EML1: variants seen among roughly 807,000 people sequenced by gnomAD.
The protein encoded by EML1 is EMAP like 1, also known as echinoderm microtubule-associated protein-like 1.
Under a neutral mutation model 110.4 loss-of-function variants are expected in EML1, and 27 were observed. That is an observed-to-expected ratio of 0.24 (90% confidence interval 0.18 to 0.34). The LOEUF (loss-of-function observed/expected upper bound fraction) is 0.34, where lower values mean the gene tolerates loss of function less well. Ranked by LOEUF, EML1 falls within the 10% of genes least tolerant of loss-of-function variation. EML1 has a pLI of 1.00. For synonymous variants in EML1, 344 were observed against 385.8 expected (o/e 0.89, Z 1.27); for missense variants, 741 against 1,030.9 (o/e 0.72, Z 3.85).
At position 99,827,407 on chromosome 14, in the gene EML1, C is replaced by T. The variant is rs763226037; in HGVS notation, c.68-23446C>T. On this transcript the variant is annotated intron_variant, in intron 1 of 21. Coordinates refer to ENST00000262233, the MANE Select transcript of EML1 (RefSeq NM_004434.3). This position sits in a 1 kb window ranked among gnomAD's most constrained non-coding sequence, Gnocchi z 4.4. The stretch of plus-strand genomic sequence containing the variant: ...GCAGAGTAGCGGCACCTAGTAGCCA[C>T]AAGTAAGGTGCAAATACCCTTGCAG... 3.3e-5 allele frequency among the ~76,000 whole-genome samples: 5 copies of T among 152,162 alleles called. No individual in the cohort carries two copies. Among genetic ancestry groups the T allele is most frequent in the Admixed American group, 6.5e-5 (1 of 15,280 alleles).
intron 1 of EML1, among the ~76,000 whole-genome samples, chr14:99,801,673 C>T (rs2057884677): frequency 6.6e-6 from 1 of 152,124 alleles, no homozygotes; most frequent in South Asian, 2.1e-4. Context: ...CCCACTGCCC[C>T]ATATCTCAGT....
intron 1 of EML1, among the ~76,000 whole-genome samples, chr14:99,837,975 A>G (rs2058568714): frequency 6.6e-6 from 1 of 151,898 alleles, no homozygotes; most frequent in South Asian, 2.1e-4. Context: ...AATTTTTTAA[A>G]TCTTTTGTAG....
chr14:99,746,357 C>G (rs1033922546), intron 1 of EML1, among the ~76,000 whole-genome samples: 4 of 152,136 alleles, frequency 2.6e-5, no homozygotes, highest in Non-Finnish European at 4.4e-5. Context: ...CCAGCAATCC[C>G]CTCTGAACTT....
chr14:99,898,254 G>A lies in EML1; in HGVS notation c.849G>A (p.Arg283=). The part of the protein sequence containing the change: ...DVKCLAVHPD[R]ITIATGQVAG... ...TTAGCCTAGCAGTTCATCCTGATCG[G>A]ATCACGATAGCAACAGGACAAGTTG... The change falls in exon 8 of 22, where the codon CGG becomes CGA. Residue 283 remains arginine (R), a synonymous_variant. Coordinates refer to ENST00000262233, the MANE Select transcript of EML1 (RefSeq NM_004434.3). The A allele has an allele frequency of 6.2e-7, 1 of 1,610,950 alleles. No individual in the cohort carries two copies. Among genetic ancestry groups the A allele is most frequent in the Non-Finnish European group, 8.5e-7 (1 of 1,178,060 alleles).
chr14:99,756,796 C>T (rs1272782080), intron 1 of EML1, among the ~76,000 whole-genome samples: 2 of 152,120 alleles, frequency 1.3e-5, no homozygotes, highest in Admixed American at 6.5e-5. Context: ...GTGTCAGGCA[C>T]CCTCAGACAC....
chr14:99,876,187 AGGAGAGTG>A (rs2059288058), intron 3 of EML1, among the ~76,000 whole-genome samples: 1 of 152,078 alleles, frequency 6.6e-6, no homozygotes, highest in African/African-American at 2.4e-5. Context: ...GCTACCAAGA[AGGAGAGTG>A]GCCAGCCCCA....
intron 1 of EML1, among the ~76,000 whole-genome samples, chr14:99,830,223 T>C (rs745506498): frequency 2.6e-5 from 4 of 152,230 alleles, no homozygotes; most frequent in Non-Finnish European, 4.4e-5. Context: ...ATGGCTTTAA[T>C]TTGCGTTTCT....
chr14:99,916,902 C>T (rs185435769), intron 15 of EML1, among the ~76,000 whole-genome samples: 1 of 152,348 alleles, frequency 6.6e-6, no homozygotes, highest in South Asian at 2.1e-4. Flanking sequence ...CCCTCCCTCC[C>T]CTGTGTATCT....
chr14:99,749,336 G>T (rs917316336), intron 1 of EML1, among the ~76,000 whole-genome samples: 1 of 151,888 alleles, frequency 6.6e-6, no homozygotes, highest in African/African-American at 2.4e-5. Context: ...CTGTCTTCTC[G>T]CCCCCCCAGC....
intron 1 of EML1, among the ~76,000 whole-genome samples, chr14:99,761,464 C>T (rs565352401): frequency 2.1e-4 from 32 of 152,140 alleles, no homozygotes; most frequent in African/African-American, 1.9e-4. Flanking sequence ...TACTGGGAGG[C>T]GCCTGGCTGC....
In EML1 at chr14:99,909,335, T is replaced by A. The variant is rs942078851; in HGVS notation, c.1105-10T>A. 1 of 1,614,090 alleles carries A rather than the reference T, an allele frequency of 6.2e-7. No homozygotes were observed. Among genetic ancestry groups the A allele is most frequent in the Non-Finnish European group, 8.5e-7 (1 of 1,180,044 alleles). ...GATGTGAGGCATCCGAGTCCCTGTT[T>A]TTCCTATAGTGCTCTAATGAAGCTG... is the stretch of plus-strand genomic sequence containing the variant. On this transcript the variant is annotated splice_polypyrimidine_tract_variant and intron_variant, in intron 10 of 21. Transcript: ENST00000262233.
intron 15 of EML1, 91 bp from the exon 16 acceptor site, chr14:99,917,691 G>C: frequency 8.2e-7 from 1 of 1,226,134 alleles, no homozygotes; most frequent in Non-Finnish European, 1.2e-6. Flanking sequence ...AGAAGTGTGA[G>C]CGTTTGTGTG....
At chr14:99,826,004 A>G (rs2058345295) in intron 1 of EML1, among the ~76,000 whole-genome samples, 1 of 152,122 alleles carries the variant, frequency 6.6e-6, no homozygotes, top group Non-Finnish European at 1.5e-5. Flanking sequence ...GGGCCGTTGT[A>G]CAACAGTAGG....
At chr14:99,845,634 A>AT (rs934085517) in intron 1 of EML1, among the ~76,000 whole-genome samples, 1 of 152,106 alleles carries the variant, frequency 6.6e-6, no homozygotes, top group South Asian at 2.1e-4. Context: ...CTTACACAAT[A>AT]TTTTTTTTGT....
At chr14:99,871,287 C>G (rs571455322) in intron 3 of EML1, among the ~76,000 whole-genome samples, 1 of 152,174 alleles carries the variant, frequency 6.6e-6, no homozygotes, top group South Asian at 2.1e-4. Context: ...AGTGATTCCT[C>G]TAATAGATCT....
At chr14:99,764,297 G>A (rs1595252732) in intron 1 of EML1, among the ~76,000 whole-genome samples, 1 of 152,240 alleles carries the variant, frequency 6.6e-6, no homozygotes, top group East Asian at 1.9e-4. Flanking sequence ...CAGCAGCCCT[G>A]CAATTTTACA....
intron 1 of EML1, among the ~76,000 whole-genome samples, chr14:99,765,040 T>A (rs2140192831): frequency 6.6e-6 from 1 of 152,078 alleles, no homozygotes; most frequent in South Asian, 2.1e-4. Context: ...TGGGCTCAAA[T>A]GATCCTCCCA....
intron 2 of EML1, among the ~76,000 whole-genome samples, chr14:99,855,456 G>C (rs566050455): frequency 6.6e-6 from 1 of 152,260 alleles, no homozygotes; most frequent in East Asian, 1.9e-4. Flanking sequence ...AAGAAGACAG[G>C]GAGTAGTTTG....
chr14:99,916,505 C>G (rs1336803655), intron 15 of EML1, among the ~76,000 whole-genome samples: 1 of 152,188 alleles, frequency 6.6e-6, no homozygotes, highest in East Asian at 1.9e-4. Context: ...TCCTTAATCT[C>G]TTCTCTCTTC....
Sources: gnomAD v4.1 joint callset for allele counts (sites outside exome capture counted in the v4.1 genomes callset) on GRCh38, gnomAD v4.1.1 for gene constraint, Gnocchi (gnomAD v3.1) non-coding constraint, MANE v1.5 for transcripts, NCBI Gene and HGNC (gene_info 2026-07-23, HGNC 2026-07-21) for gene names.